The following CACFD1 variants were observed in gnomAD, a reference collection of about 807,000 sequenced individuals.
CACFD1 encodes the protein calcium channel flower domain containing 1.
CACFD1 carries 26 observed loss-of-function variants against 21.3 expected under a neutral mutation model. The observed-to-expected ratio is 1.22, with a 90% CI of 0.89 to 1.69. The LOEUF is 1.69. Among genes scored for constraint, CACFD1 ranks in the 40% most tolerant of loss-of-function variants. The pLI, the probability that CACFD1 is intolerant of heterozygous loss-of-function variation, is 0.00. For missense variants in CACFD1, 265 were observed against 236.2 expected (o/e 1.12, Z -0.80); for synonymous variants, 121 against 106.6 (o/e 1.13, Z -0.83).
intron 2 of CACFD1, 104 bp downstream of exon 2, chr9:133,463,659 CT>C: frequency 8.3e-7 from 1 of 1,206,786 alleles, no homozygotes. Flanking sequence ...AGTGGGCATC[CT>C]TGTGGTTGCC....
chr9:133,466,538 T>A (rs1029135073), intron 3 of CACFD1, among the ~76,000 whole-genome samples: 3 of 152,134 alleles, frequency 2.0e-5, no homozygotes, highest in African/African-American at 7.2e-5. Flanking sequence ...TATCATGCTG[T>A]TCTTAATTTC....
intron 1 of CACFD1, among the ~76,000 whole-genome samples, chr9:133,463,208 C>T (rs1159004205): frequency 1.3e-5 from 2 of 152,224 alleles, no homozygotes; most frequent in Non-Finnish European, 2.9e-5. Flanking sequence ...AGAGGGCCAG[C>T]TCCTCTGAGC....
intron 3 of CACFD1, among the ~76,000 whole-genome samples, chr9:133,467,541 G>T (rs1843486963): frequency 6.6e-6 from 1 of 152,312 alleles, no homozygotes; most frequent in East Asian, 1.9e-4. Flanking sequence ...CCCTCTCCGC[G>T]GTGGAGATTC....
At chr9:133,466,690 T>C (rs1554799614) in intron 3 of CACFD1, among the ~76,000 whole-genome samples, 1 of 152,244 alleles carries the variant, frequency 6.6e-6, no homozygotes, top group Non-Finnish European at 1.5e-5. Context: ...TTAAGATGCG[T>C]GGCTACGTTG....
chr9:133,469,917 GC>G lies in CACFD1; in HGVS notation c.*1267del, dbSNP rs1843613027. On this transcript the variant is annotated 3_prime_UTR_variant, in exon 5 of 5. Transcript: ENST00000316948. ...ACTGTTTCCCAGGAACACCTCTCGG[GC>G]CCATCTGCGTCTGAGGCTGGGAGTG... is the stretch of plus-strand genomic sequence containing the variant. The G allele has an allele frequency of 1.3e-5, 2 of 152,130 alleles. No homozygotes were observed. 9.4% of individuals were successfully genotyped at this position (152,130 alleles called of 1,614,324 possible).
rs1349993436 is a variant in CACFD1, at chr9:133,460,243, T to TGCCCTGCCCC, written c.121+61_121+70dup. 5.7e-6 allele frequency: 8 copies of TGCCCTGCCCC among 1,409,608 alleles called. No homozygotes were observed. The Admixed American group carries it at 1.7e-4, about 30-fold the overall frequency. The allele number at this position is 1,409,608 out of a possible 1,614,324, so 87.3% of individuals were successfully genotyped here. A position where few individuals can be genotyped will look rare whatever the true frequency, so the allele number is the denominator to read the frequency against. On this transcript the variant is annotated intron_variant, in intron 1 of 4. Coordinates refer to ENST00000316948, the MANE Select transcript of CACFD1 (RefSeq NM_017586.5). ...CCCGCCGCGCATGCGCTCCTCGCCC[T>TGCCCTGCCCC]GCCCTGCCCCGCCCCGCCCCGGCGG...
In CACFD1 at chr9:133,465,306, G is replaced by A. The variant is rs41302667; in HGVS notation, c.195-16G>A. On this transcript the variant is annotated splice_polypyrimidine_tract_variant and intron_variant, in intron 2 of 4. Transcript: ENST00000316948. The surrounding 1 kb of genome is among the most constrained non-coding windows in gnomAD (Gnocchi z 5.0). ...GATTGTCAGTCGCTGCTCTTCTCCT[G>A]CCCTGGTCCCTGCAGCATGAATGCC... 0.082 allele frequency: 132,271 copies of A among 1,613,062 alleles called. 6,201 individuals carry two copies. The highest frequency in any genetic ancestry group is 0.092 in the Middle Eastern group (537 of 5,808).
At chr9:133,466,604 G>A (rs4962051) in intron 3 of CACFD1, among the ~76,000 whole-genome samples, 5,436 of 152,090 alleles carry the variant, frequency 0.036, 121 homozygotes, top group Middle Eastern at 0.061. Context: ...CTTTTTCTGT[G>A]TTTATGATGA....
In CACFD1 at chr9:133,460,169, G is replaced by A; in HGVS notation, c.103G>A (p.Gly35Arg). The change falls in exon 1 of 5, where the codon GGG becomes AGG. Residue 35 changes from glycine to arginine, a missense_variant. By Grantham distance (125) the Gly-to-Arg change is moderately radical (BLOSUM62 -2). Transcript: ENST00000316948. ...GTACCGCTGGCTGTGTCGCCTGTCT[G>A]GGGTGCTGGGGGCAGTCTGTGAGTA... The part of the protein sequence containing the change: ...WWYRWLCRLS[G>R]VLGAVSCAIS... The A allele has an allele frequency of 6.4e-7, 1 of 1,555,452 alleles. No homozygotes were observed. Among genetic ancestry groups the A allele is most frequent in the Admixed American group, 1.9e-5 (1 of 52,248 alleles).
Position 133,470,590 on chromosome 9 carries a change from C to A in CACFD1, c.*1937C>A, listed in dbSNP as rs1843660339. ...GCTGTGCAGTCCTGGGGTCCCTGAC[C>A]CTGTCGCCCAGGGGGCGTGCTGTCC... On this transcript the variant is annotated 3_prime_UTR_variant, in exon 5 of 5. Transcript: ENST00000316948. The A allele has an allele frequency of 6.6e-6, 1 of 152,360 alleles. No individual in the cohort carries two copies. Among genetic ancestry groups the A allele is most frequent in the Non-Finnish European group, 1.5e-5 (1 of 68,118 alleles). 9.4% of individuals were successfully genotyped at this position (152,360 alleles called of 1,614,324 possible).
At chr9:133,467,567 C>T (rs1052419119) in intron 3 of CACFD1, among the ~76,000 whole-genome samples, 3 of 152,206 alleles carry the variant, frequency 2.0e-5, no homozygotes, top group South Asian at 2.1e-4. Flanking sequence ...AACTTGCCCG[C>T]GAAGCTAGTA....
chr9:133,466,084 T>C (rs976203120), intron 3 of CACFD1, among the ~76,000 whole-genome samples: 3 of 152,206 alleles, frequency 2.0e-5, no homozygotes, highest in Non-Finnish European at 4.4e-5. Context: ...GAAAGAAGTC[T>C]AGATGCAAGC....
rs1843558341 is a variant in CACFD1 at position 133,468,840 on chromosome 9, C to A, written c.*187C>A. The stretch of plus-strand genomic sequence containing the variant: ...AGCCACTGGCTGCTGGTGTGAGGGT[C>A]TGGGCTGCTGGACTTGAGGCAGAGC... On this transcript the variant is annotated 3_prime_UTR_variant, in exon 5 of 5. Coordinates refer to ENST00000316948, the MANE Select transcript of CACFD1 (RefSeq NM_017586.5). 9.9e-7 allele frequency: 1 copy of A among 1,010,572 alleles called. No homozygotes were observed. The highest frequency in any genetic ancestry group is 1.8e-5 in the South Asian group (1 of 56,586). The allele number at this position is 1,010,572 out of a possible 1,614,324, so 62.6% of individuals were successfully genotyped here. A position where few individuals can be genotyped will look rare whatever the true frequency, so the allele number is the denominator to read the frequency against.
rs3780810 is a variant in CACFD1 at position 133,466,876 on chromosome 9, A to T, written c.321-1045A>T. Reference sequence around the variant, plus strand: ...CGAGTTTACTTTTTAACCTGTGGGAACCTCAGTGTTCTGCTTAGCAAGTTC... The same window carrying T: ...CGAGTTTACTTTTTAACCTGTGGGATCCTCAGTGTTCTGCTTAGCAAGTTC... On this transcript the variant is annotated intron_variant, in intron 3 of 4. Coordinates refer to ENST00000316948, the MANE Select transcript of CACFD1 (RefSeq NM_017586.5). Among the ~76,000 whole-genome samples, 12 of 152,284 alleles carry T rather than the reference A, an allele frequency of 7.9e-5. No individual in the cohort carries two copies. The East Asian group carries it at 2.1e-3, about 27-fold the overall frequency.
Position 133,468,738 on chromosome 9 carries a change from AGCCTGGAGAGGG to A in CACFD1, c.*90_*101del, listed in dbSNP as rs1564459375. ...GCCTGGACTGTCCACGCTGAGGCAC[AGCCTGGAGAGGG>A]GCCTTTGCACGTGTCCCTACACCTG... On this transcript the variant is annotated 3_prime_UTR_variant, in exon 5 of 5. Coordinates refer to ENST00000316948, the MANE Select transcript of CACFD1 (RefSeq NM_017586.5). 1 of 1,463,162 alleles carries A rather than the reference AGCCTGGAGAGGG, an allele frequency of 6.8e-7. No individual in the cohort carries two copies. The highest frequency in any genetic ancestry group is 1.4e-5 in the African/African-American group (1 of 70,908). The allele number at this position is 1,463,162 out of a possible 1,614,324, so 90.6% of individuals were successfully genotyped here.
rs146740814 is a variant in CACFD1 at position 133,465,410 on chromosome 9, C to T, written c.283C>T (p.Arg95Trp). 1,440 of 1,613,720 alleles carry T rather than the reference C, an allele frequency of 8.9e-4. 2 individuals are homozygous for T. The highest frequency in any genetic ancestry group is 1.2e-3 in the Non-Finnish European group (1,361 of 1,179,780). ...AAACACAGTGGCGGAGAAGGTGGAC[C>T]GGCTGCGCTCCTGGCAGAAGGCTGT... ...FANTVAEKVDRLRSWQKAVFY... is the reference protein window; with the variant it reads ...FANTVAEKVDWLRSWQKAVFY... The change falls in exon 3 of 5, where the codon CGG becomes TGG. Residue 95 changes from arginine to tryptophan, a missense_variant. Coordinates refer to ENST00000316948, the MANE Select transcript of CACFD1 (RefSeq NM_017586.5). This position sits in a 1 kb window ranked among gnomAD's most constrained non-coding sequence, Gnocchi z 5.0.
rs1554797921 is a variant in CACFD1 at position 133,460,113 on chromosome 9, C to T, written c.47C>T (p.Pro16Leu). The T allele has an allele frequency of 6.4e-7, 1 of 1,563,510 alleles. No homozygotes were observed. The highest frequency in any genetic ancestry group is 1.8e-5 in the Admixed American group (1 of 54,174). The change falls in exon 1 of 5, where the codon CCG (proline) becomes CTG (leucine). Residue 16 changes from proline to leucine, a missense_variant. Pro to Leu is a moderately conservative substitution (Grantham distance 98). Coordinates refer to ENST00000316948, the MANE Select transcript of CACFD1 (RefSeq NM_017586.5). ...GAPGASASSA[P>L]PAQEEGMTWW... ...CCCGGGGCGTCCGCCAGCTCTGCGC[C>T]GCCCGCGCAGGAAGAGGGCATGACG... is the stretch of plus-strand genomic sequence containing the variant.
intron 2 of CACFD1, among the ~76,000 whole-genome samples, chr9:133,464,681 G>A (rs766341944): frequency 1.3e-5 from 2 of 152,192 alleles, no homozygotes; most frequent in South Asian, 2.1e-4. Flanking sequence ...GACACCTTCC[G>A]TCACCAGTGG....
Position 133,468,536 on chromosome 9 carries a change from C to T in CACFD1, c.429-27C>T, listed in dbSNP as rs368331975. 129 of 1,558,756 alleles carry T rather than the reference C, an allele frequency of 8.3e-5. No homozygotes were observed. The African/African-American group carries it at 1.2e-3, about 15-fold the overall frequency. ...CTGTGGGCATGGGGCTGGTGCTCCACGTGACGCTGCCTCTCTCTCTCCCCA... is the reference window on the plus strand; with the variant it reads ...CTGTGGGCATGGGGCTGGTGCTCCATGTGACGCTGCCTCTCTCTCTCCCCA... On this transcript the variant is annotated intron_variant, in intron 4 of 4. Transcript: ENST00000316948.
Sources: allele counts gnomAD v4.1 joint callset (sites outside exome capture counted in the v4.1 genomes callset), GRCh38; gene constraint gnomAD v4.1.1; non-coding constraint Gnocchi (gnomAD v3.1); transcripts MANE v1.5; gene names NCBI Gene and HGNC (gene_info 2026-07-23, HGNC 2026-07-21).